IRAK1BP1: variants seen among roughly 807,000 people sequenced by gnomAD.
IRAK1BP1 encodes the protein interleukin-1 receptor-associated kinase 1-binding protein 1.
A neutral mutation model predicts 28.0 loss-of-function variants in IRAK1BP1; 24 were observed. The ratio of observed to expected loss-of-function variants is 0.86; its 90% confidence interval spans 0.62 to 1.20. The LOEUF is 1.20. Ranked by LOEUF, IRAK1BP1 falls within the 50% of genes most tolerant of loss-of-function variation. The pLI, the probability that IRAK1BP1 is intolerant of heterozygous loss-of-function variation, is 0.00. For synonymous variants in IRAK1BP1, 131 were observed against 116.3 expected (o/e 1.13, Z -0.81); for missense variants, 336 against 316.7 (o/e 1.06, Z -0.46).
chr6:78,927,963 A>G (rs1280175380), intron 4 of IRAK1BP1, among the ~76,000 whole-genome samples: 1 of 152,038 alleles, frequency 6.6e-6, no homozygotes, highest in Non-Finnish European at 1.5e-5. Context: ...TTGGAGTCAG[A>G]TAATGTGATT....
chr6:78,943,158 T>C (rs1171838797), intron 4 of IRAK1BP1, among the ~76,000 whole-genome samples: 2 of 152,164 alleles, frequency 1.3e-5, no homozygotes, highest in Non-Finnish European at 2.9e-5. Flanking sequence ...TTACTGAACA[T>C]GGTGAGTACA....
chr6:78,931,508 C>G (rs557586215), intron 4 of IRAK1BP1, among the ~76,000 whole-genome samples: 1 of 152,042 alleles, frequency 6.6e-6, no homozygotes, highest in East Asian at 1.9e-4. Context: ...ACAGGTATAC[C>G]GTGGAGATAT....
chr6:78,964,996 T>C, the IRAK1BP1 span, among the ~76,000 whole-genome samples: 2 of 152,086 alleles, frequency 1.3e-5, no homozygotes, highest in African/African-American at 4.8e-5. Flanking sequence ...GAAAATATAA[T>C]CTCCAGGCTT....
chr6:78,955,587 G>T, the IRAK1BP1 span: 2 of 728,512 alleles, frequency 2.7e-6, no homozygotes, highest in African/African-American at 1.8e-5. Flanking sequence ...ATATCAATAT[G>T]GTAATAATAA....
downstream of IRAK1BP1, among the ~76,000 whole-genome samples, chr6:78,948,493 T>C (rs1773954537): frequency 6.6e-6 from 1 of 151,462 alleles, no homozygotes; most frequent in South Asian, 2.1e-4. Flanking sequence ...GGACAAAGAG[T>C]ATTGTACCCC....
intron 2 of IRAK1BP1, among the ~76,000 whole-genome samples, chr6:78,887,326 A>T (rs1315700403): frequency 6.6e-6 from 1 of 152,178 alleles, no homozygotes; most frequent in Non-Finnish European, 1.5e-5. Context: ...AATCAAAACT[A>T]CATTGAGCTA....
chr6:78,892,199 T>C (rs558614177), intron 2 of IRAK1BP1, among the ~76,000 whole-genome samples: 4 of 152,322 alleles, frequency 2.6e-5, no homozygotes, highest in Non-Finnish European at 5.9e-5. Flanking sequence ...TGGCCATTTC[T>C]TATGTAACAA....
intron 1 of IRAK1BP1, among the ~76,000 whole-genome samples, chr6:78,876,648 C>G (rs1418131565): frequency 1.3e-5 from 2 of 152,078 alleles, no homozygotes; most frequent in Non-Finnish European, 1.5e-5. Context: ...CATTCCTGGC[C>G]CCTACCCATG....
intron 1 of IRAK1BP1, among the ~76,000 whole-genome samples, chr6:78,869,421 G>A (rs1770713420): frequency 6.6e-6 from 1 of 152,232 alleles, no homozygotes; most frequent in Non-Finnish European, 1.5e-5. Context: ...TAGGGTGACT[G>A]AGGCAGGAAA....
downstream of IRAK1BP1, among the ~76,000 whole-genome samples, chr6:78,949,325 G>A (rs566946267): frequency 6.6e-6 from 1 of 152,244 alleles, no homozygotes; most frequent in East Asian, 1.9e-4. Flanking sequence ...GGCAGTCTTA[G>A]TGAGGGGTTC....
At chr6:78,970,291 G>T in the IRAK1BP1 span, 1 of 759,492 alleles carries the variant, frequency 1.3e-6, no homozygotes, top group Non-Finnish European at 2.1e-6. Flanking sequence ...GGTGATGACT[G>T]TGTACATGTA....
At chr6:78,906,313 G>A (rs1001228290), downstream of IRAK1BP1, among the ~76,000 whole-genome samples, 6 of 151,946 alleles carry the variant, frequency 3.9e-5, no homozygotes, top group African/African-American at 1.5e-4. Flanking sequence ...ACAGATTGAG[G>A]TCACTTTTTC....
chr6:78,948,336 A>T (rs1773940581), downstream of IRAK1BP1, among the ~76,000 whole-genome samples: 1 of 152,182 alleles, frequency 6.6e-6, no homozygotes, highest in Non-Finnish European at 1.5e-5. Context: ...GTCACCTGAG[A>T]TGTCTACCTA....
intron 4 of IRAK1BP1, among the ~76,000 whole-genome samples, chr6:78,930,046 C>T (rs1773001955): frequency 6.6e-6 from 1 of 152,128 alleles, no homozygotes; most frequent in African/African-American, 2.4e-5. Context: ...AAGCATTCCT[C>T]CTATGTGAGC....
rs142014263 is a variant in IRAK1BP1, at chr6:78,876,840, A to G, written c.316-8538A>G. Among the ~76,000 whole-genome samples the G allele has an allele frequency of 6.3e-3, 959 of 152,272 alleles. 19 individuals are homozygous for G. The highest frequency in any genetic ancestry group is 0.022 in the African/African-American group (903 of 41,530). On this transcript the variant is annotated intron_variant, in intron 1 of 3. Coordinates refer to ENST00000369940, the MANE Select transcript of IRAK1BP1 (RefSeq NM_001010844.4). ...AAAAAATGTCTCCAGGCATTGGCAGATGTCCCCTAGGGCAAAATCATCTGG... is the reference window on the plus strand; with the variant it reads ...AAAAAATGTCTCCAGGCATTGGCAGGTGTCCCCTAGGGCAAAATCATCTGG...
intron 4 of IRAK1BP1, among the ~76,000 whole-genome samples, chr6:78,929,500 G>C (rs1211746409): frequency 6.6e-6 from 1 of 151,990 alleles, no homozygotes; most frequent in Non-Finnish European, 1.5e-5. Context: ...GTTACTCATG[G>C]ATATAAAGAT....
chr6:78,954,614 T>C, the IRAK1BP1 span, among the ~76,000 whole-genome samples: 1 of 152,124 alleles, frequency 6.6e-6, no homozygotes, highest in South Asian at 2.1e-4. Context: ...ATTCTTACAG[T>C]GTCTTCATTC....
chr6:78,927,624 A>G (rs1030593183), intron 4 of IRAK1BP1, among the ~76,000 whole-genome samples: 1 of 152,138 alleles, frequency 6.6e-6, no homozygotes, highest in South Asian at 2.1e-4. Context: ...AATGTCCTGG[A>G]AAGTTTCCCT....
chr6:78,964,434 G>C, the IRAK1BP1 span, among the ~76,000 whole-genome samples: 2 of 152,080 alleles, frequency 1.3e-5, no homozygotes, highest in African/African-American at 4.8e-5. Context: ...TTAGAAATTA[G>C]ATGTTTTCCT....
Sources: allele counts gnomAD v4.1 joint callset (sites outside exome capture counted in the v4.1 genomes callset), GRCh38; gene constraint gnomAD v4.1.1; transcripts MANE v1.5; gene names NCBI Gene and HGNC (gene_info 2026-07-23, HGNC 2026-07-21).